CALN1: variants seen among roughly 807,000 people sequenced by gnomAD.
CALN1 encodes the protein calneuron 1, also known as calcium-binding protein 8.
A neutral mutation model predicts 30.6 loss-of-function variants in CALN1; 17 were observed. The observed-to-expected ratio is 0.56, with a 90% CI of 0.38 to 0.83. CALN1 has a LOEUF of 0.83. Among genes scored for constraint, CALN1 ranks in the 40% least tolerant of loss-of-function variants. The pLI is 0.00. For missense variants in CALN1, 291 were observed against 354.9 expected (o/e 0.82, Z 1.45); for synonymous variants, 156 against 131.4 (o/e 1.19, Z -1.28).
At chr7:72,214,871 C>T (rs2129548460) in intron 3 of CALN1, among the ~76,000 whole-genome samples, 1 of 151,904 alleles carries the variant, frequency 6.6e-6, no homozygotes, top group African/African-American at 2.4e-5. Context: ...ATCTAGGTTG[C>T]ACACTCCTTA....
chr7:71,856,149 T>G (rs765646808), intron 5 of CALN1, among the ~76,000 whole-genome samples: 2 of 151,828 alleles, frequency 1.3e-5, no homozygotes, highest in African/African-American at 4.8e-5. Flanking sequence ...AATATATACA[T>G]GCATACATAC....
intron 4 of CALN1, among the ~76,000 whole-genome samples, chr7:72,028,076 A>C (rs7776499): frequency 2.2e-5 from 3 of 134,322 alleles, no homozygotes; most frequent in African/African-American, 1.0e-4. Context: ...AAAAAAAAAA[A>C]AAAAAAAAAC....
chr7:72,349,776 G>C lies in CALN1; in HGVS notation c.119+53475C>G, dbSNP rs553949769. On this transcript the variant is annotated intron_variant, in intron 2 of 6. Coordinates refer to ENST00000395275, the MANE Select transcript of CALN1 (RefSeq NM_031468.4). The stretch of plus-strand genomic sequence containing the variant: ...CCTGTTTGTGTCCTTTGCCCACTTT[G>C]TTATGGGGTTGTCTGCTTTTTGCTT... Among the ~76,000 whole-genome samples the C allele has an allele frequency of 9.2e-5, 14 of 152,196 alleles. No homozygotes were observed. In the South Asian group the frequency reaches 2.9e-3, roughly 32 times the overall value.
intron 5 of CALN1, chr7:71,942,134 G>A (rs1796164733): frequency 1.3e-5 from 2 of 153,314 alleles, no homozygotes; most frequent in African/African-American, 2.4e-5. Flanking sequence ...GGAGGCCAAG[G>A]TTGCAGTGAG....
intron 5 of CALN1, among the ~76,000 whole-genome samples, chr7:71,885,391 A>G (rs1258515426): frequency 6.6e-6 from 1 of 152,146 alleles, no homozygotes; most frequent in East Asian, 1.9e-4. Flanking sequence ...TGATATCGTG[A>G]TCCGCCCACC....
At chr7:72,239,802 C>T (rs891288304) in intron 3 of CALN1, among the ~76,000 whole-genome samples, 1 of 152,180 alleles carries the variant, frequency 6.6e-6, no homozygotes, top group African/African-American at 2.4e-5. Flanking sequence ...ATGTGCACCA[C>T]TTAGTACACA....
At chr7:71,858,869 C>T (rs1382755515) in intron 5 of CALN1, among the ~76,000 whole-genome samples, 1 of 152,124 alleles carries the variant, frequency 6.6e-6, no homozygotes, top group Non-Finnish European at 1.5e-5. Context: ...CCACTTTGGG[C>T]ACATGTCATC....
chr7:71,804,497 G>T (rs1191510544), intron 6 of CALN1, among the ~76,000 whole-genome samples: 1 of 152,102 alleles, frequency 6.6e-6, no homozygotes, highest in African/African-American at 2.4e-5. Context: ...GACACAGCAG[G>T]ACTCTCTTTA....
At chr7:71,806,540 C>A (rs1270380025) in intron 6 of CALN1, among the ~76,000 whole-genome samples, 2 of 152,210 alleles carry the variant, frequency 1.3e-5, no homozygotes, top group Non-Finnish European at 2.9e-5. Context: ...CTCCTGACCT[C>A]AGTTTATCCA....
chr7:71,842,017 G>A lies in CALN1; in HGVS notation c.502-31525C>T, dbSNP rs1296567703. ...GAATCTAAAAAAGAAAAAAAAAAAA[G>A]ACAAAAAACAAATCTCCCAGCCCTT... On this transcript the variant is annotated intron_variant, in intron 5 of 6. Transcript: ENST00000395275. Among the ~76,000 whole-genome samples, 3 of 150,370 alleles carry A rather than the reference G, an allele frequency of 2.0e-5. No homozygotes were observed. The East Asian group carries it at 5.9e-4, about 29-fold the overall frequency.
At chr7:72,015,612 T>A (rs1384464497) in intron 5 of CALN1, among the ~76,000 whole-genome samples, 11 of 152,044 alleles carry the variant, frequency 7.2e-5, no homozygotes, top group Non-Finnish European at 1.6e-4. Context: ...GCTAATTTTT[T>A]AAATTATTAT....
At chr7:72,302,434 C>T (rs1799336186) in intron 2 of CALN1, among the ~76,000 whole-genome samples, 1 of 152,132 alleles carries the variant, frequency 6.6e-6, no homozygotes, top group Non-Finnish European at 1.5e-5. Flanking sequence ...GTGGTCTGGA[C>T]ATCACAGGAA....
intron 4 of CALN1, 147 bp downstream of exon 4, chr7:72,106,004 G>A (rs1328863587): frequency 9.1e-7 from 1 of 1,099,764 alleles, no homozygotes; most frequent in Middle Eastern, 3.1e-4. Flanking sequence ...GAAAGTTACT[G>A]AAAAAGCCTG....
intron 4 of CALN1, among the ~76,000 whole-genome samples, chr7:72,105,585 T>C (rs1017427699): frequency 2.6e-5 from 4 of 151,336 alleles, no homozygotes; most frequent in African/African-American, 9.7e-5. Context: ...TAGATCTGTG[T>C]GACATCTACA....
chr7:71,919,633 T>C (rs1366810255), intron 5 of CALN1, among the ~76,000 whole-genome samples: 2 of 152,142 alleles, frequency 1.3e-5, no homozygotes, highest in Non-Finnish European at 2.9e-5. Flanking sequence ...CAAACTGGCC[T>C]AAGGGAGTCA....
At chr7:72,305,096 C>T (rs1450059306) in intron 2 of CALN1, among the ~76,000 whole-genome samples, 1 of 152,144 alleles carries the variant, frequency 6.6e-6, no homozygotes, top group East Asian at 1.9e-4. Flanking sequence ...TGGGTTGGAA[C>T]CCTTTAAGGG....
At chr7:72,193,957 GA>G (rs1790808335) in intron 3 of CALN1, among the ~76,000 whole-genome samples, 1 of 152,148 alleles carries the variant, frequency 6.6e-6, no homozygotes, top group South Asian at 2.1e-4. Flanking sequence ...GGACTTGGGG[GA>G]AAGGGTGGGA....
chr7:72,016,162 T>C (rs1800368333), intron 5 of CALN1, among the ~76,000 whole-genome samples: 1 of 150,890 alleles, frequency 6.6e-6, no homozygotes, highest in East Asian at 2.0e-4. Context: ...GGCAGGAGAA[T>C]TGCTTGAACC....
chr7:72,228,871 C>T (rs1341414814), intron 3 of CALN1, among the ~76,000 whole-genome samples: 1 of 151,590 alleles, frequency 6.6e-6, no homozygotes, highest in South Asian at 2.1e-4. Flanking sequence ...ACATGATCCT[C>T]CCACCTCAGC....
Sources: gnomAD v4.1 joint callset for allele counts (sites outside exome capture counted in the v4.1 genomes callset) on GRCh38, gnomAD v4.1.1 for gene constraint, MANE v1.5 for transcripts, NCBI Gene and HGNC (gene_info 2026-07-23, HGNC 2026-07-21) for gene names.